Variants in SLIT1 observed in about 807,000 individuals in gnomAD.
SLIT1 encodes the protein slit guidance ligand 1, also known as slit homolog 1 protein.
SLIT1 carries 66 observed loss-of-function variants against 186.1 expected under a neutral mutation model. The observed-to-expected ratio is 0.35, with a 90% CI of 0.29 to 0.44. The LOEUF is 0.44. Among genes scored for constraint, SLIT1 ranks in the 20% least tolerant of loss-of-function variants. SLIT1 has a pLI of 1.00. For synonymous variants in SLIT1, 761 were observed against 833.8 expected, an observed-to-expected ratio of 0.91 and a Z score of 1.50; for missense variants, 1,638 against 2,037.4, an observed-to-expected ratio of 0.80 and a Z score of 3.77.
chr10:97,090,008 A>G (rs34145904), intron 4 of SLIT1, among the ~76,000 whole-genome samples: 16,010 of 152,260 alleles, frequency 0.11, 916 homozygotes, highest in Middle Eastern at 0.15. Context: ...CATGTGAAGC[A>G]TTCAGCTCAG....
At position 97,166,674 on chromosome 10, in the gene SLIT1, A is replaced by G. The variant is rs556715216; in HGVS notation, c.198-1784T>C. 2.6e-3 allele frequency among the ~76,000 whole-genome samples: 398 copies of G among 151,518 alleles called. 2 individuals carry two copies. Among genetic ancestry groups the G allele is most frequent in the African/African-American group, 6.6e-3 (273 of 41,144 alleles). ...GGAAAAGAAAAGAAAAGAGAAAAGA[A>G]AAAAGAAAAAAGAAAGAGCGAGCTT... On this transcript the variant is annotated intron_variant, in intron 1 of 36. Transcript: ENST00000266058.
At chr10:97,064,703 T>G (rs1348880343) in intron 6 of SLIT1, 102 bp downstream of exon 6, 1 of 799,516 alleles carries the variant, frequency 1.3e-6, no homozygotes, top group Admixed American at 2.4e-5. Context: ...GGCAGGTCTC[T>G]CCCTTCCTGT....
At chr10:97,104,930 C>A (rs1288680465) in intron 4 of SLIT1, among the ~76,000 whole-genome samples, 1 of 152,070 alleles carries the variant, frequency 6.6e-6, no homozygotes, top group Non-Finnish European at 1.5e-5. Context: ...AACCCCACCT[C>A]CCACCCCTGT....
intron 4 of SLIT1, among the ~76,000 whole-genome samples, chr10:97,140,969 C>T (rs1000176339): frequency 2.0e-5 from 3 of 152,148 alleles, no homozygotes; most frequent in African/African-American, 7.2e-5. Context: ...CTTCCAGGCA[C>T]CCACCAGCTG....
intron 22 of SLIT1, among the ~76,000 whole-genome samples, chr10:97,035,303 C>T (rs1308344756): frequency 6.6e-6 from 1 of 152,144 alleles, no homozygotes; most frequent in Non-Finnish European, 1.5e-5. Flanking sequence ...CTCGGGGACG[C>T]CCCTGTGCTG....
chr10:97,078,829 A>T (rs1160958375), intron 4 of SLIT1, among the ~76,000 whole-genome samples: 2 of 152,228 alleles, frequency 1.3e-5, no homozygotes, highest in African/African-American at 4.8e-5. Context: ...CTGGGCGCGG[A>T]GACCTTGGAG....
At chr10:97,073,311 C>T (rs1250814161) in intron 4 of SLIT1, among the ~76,000 whole-genome samples, 1 of 152,190 alleles carries the variant, frequency 6.6e-6, no homozygotes, top group Non-Finnish European at 1.5e-5. Flanking sequence ...CATTGCTGCC[C>T]GTCCTCCTCC....
chr10:97,001,165 A>T lies in SLIT1; in HGVS notation c.4552T>A (p.Phe1518Ile). The T allele has an allele frequency of 6.2e-7, 1 of 1,613,220 alleles. No individual in the cohort carries two copies. Among genetic ancestry groups the T allele is most frequent in the Non-Finnish European group, 8.5e-7 (1 of 1,179,838 alleles). Residue 1518 changes from phenylalanine (F) to isoleucine (I), a missense_variant, in exon 37 of 37, where the codon TTT becomes ATT. Phe to Ile is a conservative substitution (Grantham distance 21, BLOSUM62 0). Around this residue, in one of 3 missense-constraint regions of SLIT1, gnomAD observed 220 missense variants for 211.3 expected, o/e 1.04. Transcript: ENST00000266058. ...GTGGGCTTTTCCACCTCCTCGGCAA[A>T]AGAGGTCCCATCGCTGCACTCAAAG... The part of the protein sequence containing the change: ...FTFECSDGTS[F>I]AEEVEKPTKC...
chr10:97,037,538 C>G (rs1025069343), intron 22 of SLIT1, among the ~76,000 whole-genome samples, 160 bp downstream of exon 22: 2 of 152,178 alleles, frequency 1.3e-5, no homozygotes, highest in Middle Eastern at 6.8e-3. Flanking sequence ...CACTAGGTGG[C>G]AAAACAGCTC....
intron 4 of SLIT1, among the ~76,000 whole-genome samples, chr10:97,081,459 G>A (rs1849104377): frequency 6.6e-6 from 1 of 152,108 alleles, no homozygotes; most frequent in African/African-American, 2.4e-5. Flanking sequence ...GGGGAAATGG[G>A]GTCCACTTCT....
At chr10:97,052,943 C>T (rs11595198) in intron 13 of SLIT1, among the ~76,000 whole-genome samples, 4,266 of 152,156 alleles carry the variant, frequency 0.028, 113 homozygotes, top group South Asian at 0.12. Flanking sequence ...GCTTTACAGC[C>T]TTCAATAATG....
intron 1 of SLIT1, among the ~76,000 whole-genome samples, chr10:97,181,835 A>G (rs1850342801): frequency 6.6e-6 from 1 of 152,184 alleles, no homozygotes. Flanking sequence ...CACAAACCTC[A>G]AATACCCAGG....
chr10:97,140,298 ACTGCCTCTTTGTTACC>A (rs1331980157), intron 4 of SLIT1, among the ~76,000 whole-genome samples: 1 of 152,018 alleles, frequency 6.6e-6, no homozygotes, highest in Non-Finnish European at 1.5e-5. Flanking sequence ...ACCAGCCCAC[ACTGCCTCTTTGTTACC>A]CTGCAGCTCT....
chr10:97,028,613 T>C (rs187344795), intron 25 of SLIT1, among the ~76,000 whole-genome samples: 1 of 152,340 alleles, frequency 6.6e-6, no homozygotes, highest in Admixed American at 6.5e-5. Context: ...TCCTTTCCAA[T>C]GACAGCATAA....
At chr10:97,154,611 A>T (rs949466542) in intron 4 of SLIT1, 3 of 152,172 alleles carry the variant, frequency 2.0e-5, no homozygotes, top group African/African-American at 4.8e-5. Flanking sequence ...GGCTACCAAG[A>T]CTTCCACTGC....
chr10:97,064,759 AGCAG>A lies in SLIT1; in HGVS notation c.557+42_557+45del, dbSNP rs775369160. On this transcript the variant is annotated intron_variant, in intron 6 of 36. Coordinates refer to ENST00000266058, the MANE Select transcript of SLIT1 (RefSeq NM_003061.3). ...AGGCTGCGGCACTTGGCACCTGCCT[AGCAG>A]GGCCCTCCACACCCCTCCTTCCTTT... is the stretch of plus-strand genomic sequence containing the variant. 2.1e-6 allele frequency: 3 copies of A among 1,460,110 alleles called. No individual in the cohort carries two copies. In the South Asian group the frequency reaches 3.8e-5, roughly 18 times the overall value. 90.4% of individuals were successfully genotyped at this position (1,460,110 alleles called of 1,614,324 possible).
In SLIT1 at chr10:97,023,660, C is replaced by T. The variant is rs141344271; in HGVS notation, c.2583-2247G>A. On this transcript the variant is annotated intron_variant, in intron 25 of 36. Coordinates refer to ENST00000266058, the MANE Select transcript of SLIT1 (RefSeq NM_003061.3). ...TTAGGGTAAGAAAGAGCCAGAATTC[C>T]GGCCGGGTGAGGTAGCTCATTCCTG... 3.9e-3 allele frequency among the ~76,000 whole-genome samples: 598 copies of T among 152,234 alleles called. 2 individuals are homozygous for T. Among genetic ancestry groups the T allele is most frequent in the African/African-American group, 0.014 (561 of 41,544 alleles).
intron 1 of SLIT1, among the ~76,000 whole-genome samples, chr10:97,181,555 G>A (rs542158801): frequency 2.1e-4 from 32 of 152,274 alleles, no homozygotes; most frequent in African/African-American, 7.7e-4. Flanking sequence ...ACATAAGGAG[G>A]ACGGCAAGGC....
intron 4 of SLIT1, among the ~76,000 whole-genome samples, chr10:97,073,141 T>C (rs564061994): frequency 6.6e-6 from 1 of 152,206 alleles, no homozygotes; most frequent in East Asian, 1.9e-4. Flanking sequence ...ACTTCCTACC[T>C]TGCCAATACT....
Sources: allele counts gnomAD v4.1 joint callset (sites outside exome capture counted in the v4.1 genomes callset), GRCh38; gene constraint gnomAD v4.1.1; regional missense constraint gnomAD v4.1.1; transcripts MANE v1.5; gene names NCBI Gene and HGNC (gene_info 2026-07-23, HGNC 2026-07-21).